The following ZMYM2 variants were observed in gnomAD, a reference collection of about 807,000 sequenced individuals.
The protein encoded by ZMYM2 is zinc finger MYM-type containing 2.
ZMYM2 carries 56 observed loss-of-function variants against 162.8 expected under a neutral mutation model. That is an observed-to-expected ratio of 0.34 (90% CI 0.28 to 0.43). The LOEUF is 0.43. ZMYM2 is among the 20% of genes least tolerant of loss of function. The pLI is 1.00. For missense variants in ZMYM2, 1,275 were observed against 1,621.8 expected (o/e 0.79, Z 3.67); for synonymous variants, 510 against 541.6 (o/e 0.94, Z 0.81).
chr13:19,916,985 C>G, the ZMYM2 span, among the ~76,000 whole-genome samples: 3 of 152,122 alleles, frequency 2.0e-5, no homozygotes, highest in African/African-American at 7.2e-5. Flanking sequence ...TATTTTGAGA[C>G]GGAGTCTCGC....
chr13:19,923,494 A>T, the ZMYM2 span, among the ~76,000 whole-genome samples: 2 of 148,456 alleles, frequency 1.3e-5, no homozygotes, highest in African/African-American at 2.5e-5. Flanking sequence ...CTATATCTAT[A>T]TATATCTATA....
chr13:19,893,586 A>G, the ZMYM2 span, among the ~76,000 whole-genome samples: 1 of 151,692 alleles, frequency 6.6e-6, no homozygotes, highest in Non-Finnish European at 1.5e-5. Context: ...AAAAATACAA[A>G]AACATTAGCC....
At chr13:19,885,936 CAT>C in the ZMYM2 span, among the ~76,000 whole-genome samples, 1,564 of 91,116 alleles carry the variant, frequency 0.017, 619 homozygotes, top group Middle Eastern at 0.037. Flanking sequence ...TGTGTATACA[CAT>C]ATATATGTAT....
intron 2 of ZMYM2, among the ~76,000 whole-genome samples, chr13:19,971,121 A>G (rs1014135796): frequency 4.0e-5 from 6 of 151,724 alleles, no homozygotes; most frequent in Admixed American, 2.0e-4. Flanking sequence ...GCAGACGGAA[A>G]TATTACATAC....
intron 7 of ZMYM2, chr13:20,024,694 A>T: frequency 4.5e-6 from 1 of 223,032 alleles, no homozygotes; most frequent in Admixed American, 5.7e-5. Context: ...GACCTCAGGA[A>T]ACAAACAAAA....
intron 2 of ZMYM2, among the ~76,000 whole-genome samples, chr13:19,987,620 C>CGTGTGTGTGT (rs756005409): frequency 0.015 from 1,850 of 121,344 alleles, 64 homozygotes; most frequent in Middle Eastern, 0.024. Context: ...GGGGTTTTGT[C>CGTGTGTGTGT]GTGTGTGTGT....
Position 20,088,916 on chromosome 13 carries a change from A to T in ZMYM2, c.*2902A>T, listed in dbSNP as rs1253628388. 1 of 196,544 alleles carries T rather than the reference A, an allele frequency of 5.1e-6. No individual in the cohort carries two copies. Among genetic ancestry groups the T allele is most frequent in the African/African-American group, 2.3e-5 (1 of 43,318 alleles). The allele number at this position is 196,544 out of a possible 1,614,324, so 12.2% of individuals were successfully genotyped here. A position where few individuals can be genotyped will look rare whatever the true frequency, so the allele number is the denominator to read the frequency against. Reference sequence around the variant, plus strand: ...CTAATGTGGGTTCATTTAATCTGAGATCTTAAATATCTTGCAGCCTTAAAT... The same window carrying T: ...CTAATGTGGGTTCATTTAATCTGAGTTCTTAAATATCTTGCAGCCTTAAAT... On this transcript the variant is annotated 3_prime_UTR_variant, in exon 25 of 25. Coordinates refer to ENST00000610343, the MANE Select transcript of ZMYM2 (RefSeq NM_197968.4).
chr13:20,043,624 G>A (rs536747492), intron 12 of ZMYM2, among the ~76,000 whole-genome samples: 1 of 152,032 alleles, frequency 6.6e-6, no homozygotes, highest in South Asian at 2.1e-4. Context: ...GCTCTGGGCA[G>A]TGTTGCTGAA....
At chr13:19,919,133 C>CT in the ZMYM2 span, among the ~76,000 whole-genome samples, 458 of 142,800 alleles carry the variant, frequency 3.2e-3, 1 homozygote, top group Middle Eastern at 0.015. Flanking sequence ...TTGAGACTGG[C>CT]TTTTTTTTTT....
At chr13:19,898,352 C>T in the ZMYM2 span, among the ~76,000 whole-genome samples, 1 of 151,818 alleles carries the variant, frequency 6.6e-6, no homozygotes, top group East Asian at 1.9e-4. Context: ...CCTGCCTCAG[C>T]CTCCCGAGTA....
chr13:19,877,422 C>G, the ZMYM2 span, among the ~76,000 whole-genome samples: 2 of 152,092 alleles, frequency 1.3e-5, no homozygotes, highest in Non-Finnish European at 2.9e-5. Context: ...AGCCAGACTC[C>G]TTTTACCTAC....
At chr13:19,962,824 A>ATTTTT (rs34502556) in intron 2 of ZMYM2, among the ~76,000 whole-genome samples, 1 of 113,560 alleles carries the variant, frequency 8.8e-6, no homozygotes, top group African/African-American at 3.6e-5. Flanking sequence ...TTGCCCAGCC[A>ATTTTT]TTTTTTTTTT....
chr13:19,962,513 ATATTTTTT>A (rs1211464944), intron 2 of ZMYM2, among the ~76,000 whole-genome samples: 31 of 59,084 alleles, frequency 5.2e-4, no homozygotes, highest in African/African-American at 1.2e-3. Context: ...ATATATATAT[ATATTTTTT>A]TTTTTTTTTT....
At chr13:20,023,890 T>C (rs1396568340) in intron 7 of ZMYM2, among the ~76,000 whole-genome samples, 1 of 152,162 alleles carries the variant, frequency 6.6e-6, no homozygotes, top group East Asian at 1.9e-4. Context: ...TGAAATATTC[T>C]CAGTGATTCT....
At chr13:19,910,748 T>A in the ZMYM2 span, among the ~76,000 whole-genome samples, 1 of 152,316 alleles carries the variant, frequency 6.6e-6, no homozygotes, top group East Asian at 1.9e-4. Flanking sequence ...GGGAAATTAC[T>A]GCCACTAAAT....
chr13:19,983,029 T>C (rs923333553), intron 2 of ZMYM2, among the ~76,000 whole-genome samples: 4 of 152,252 alleles, frequency 2.6e-5, no homozygotes, highest in African/African-American at 9.6e-5. Flanking sequence ...ATTTGTTATG[T>C]AGATACAATT....
chr13:20,078,276 A>G (rs1384181770), intron 21 of ZMYM2, among the ~76,000 whole-genome samples: 1 of 152,168 alleles, frequency 6.6e-6, no homozygotes, highest in Non-Finnish European at 1.5e-5. Flanking sequence ...TTATTAATGA[A>G]GCTTTATTCA....
chr13:19,981,294 C>CAAA (rs367882766), intron 2 of ZMYM2, among the ~76,000 whole-genome samples: 3,913 of 128,736 alleles, frequency 0.03, 109 homozygotes, highest in East Asian at 0.13. Flanking sequence ...AAACAAAAAA[C>CAAA]AAACAAACAA....
the ZMYM2 span, among the ~76,000 whole-genome samples, chr13:19,914,540 C>T: frequency 6.6e-6 from 1 of 152,214 alleles, no homozygotes; most frequent in Non-Finnish European, 1.5e-5. Context: ...AGCCAACTAC[C>T]TGAATGGATT....
Sources: allele counts gnomAD v4.1 joint callset (sites outside exome capture counted in the v4.1 genomes callset), GRCh38; gene constraint gnomAD v4.1.1; transcripts MANE v1.5; gene names NCBI Gene and HGNC (gene_info 2026-07-23, HGNC 2026-07-21).